TGFBR3: variants seen among roughly 807,000 people sequenced by gnomAD.
TGFBR3 encodes the protein transforming growth factor beta receptor type 3.
Under a neutral mutation model 87.9 loss-of-function variants are expected in TGFBR3, and 46 were observed. The observed-to-expected ratio is 0.52, with a 90% CI of 0.41 to 0.67. The LOEUF (loss-of-function observed/expected upper bound fraction) is 0.67. TGFBR3 is among the 30% of genes least tolerant of loss of function. The pLI is 0.00. For missense variants in TGFBR3, 866 were observed against 1,041.9 expected (o/e 0.83, Z 2.32); for synonymous variants, 381 against 391.6 (o/e 0.97, Z 0.32).
chr1:91,784,810 C>T (rs1039461183), intron 3 of TGFBR3, among the ~76,000 whole-genome samples: 2 of 152,152 alleles, frequency 1.3e-5, no homozygotes, highest in East Asian at 1.9e-4. Context: ...TTTGAGAAGC[C>T]GATCCACAGG....
At chr1:91,721,903 A>G (rs1672378874) in intron 8 of TGFBR3, 52 bp downstream of exon 8, 4 of 1,550,820 alleles carry the variant, frequency 2.6e-6, no homozygotes, top group East Asian at 2.3e-5. Context: ...CTCACTGGAA[A>G]AGCTTCATTT....
intron 16 of TGFBR3, among the ~76,000 whole-genome samples, chr1:91,689,797 T>C (rs988902158): frequency 7.3e-6 from 1 of 137,610 alleles, no homozygotes; most frequent in African/African-American, 2.7e-5. Flanking sequence ...GAAATGCTGA[T>C]GCAGACTAGT....
chr1:91,809,809 C>G (rs1675964585), intron 2 of TGFBR3, among the ~76,000 whole-genome samples: 2 of 152,138 alleles, frequency 1.3e-5, no homozygotes, highest in South Asian at 4.1e-4. Flanking sequence ...TCAGGTGCTT[C>G]TGTTAGGAGG....
intron 16 of TGFBR3, among the ~76,000 whole-genome samples, chr1:91,691,425 CT>C (rs1671261369): frequency 1.3e-5 from 2 of 152,170 alleles, no homozygotes; most frequent in African/African-American, 4.8e-5. Flanking sequence ...CAGCTCTGAA[CT>C]TCTCAACAGC....
intron 1 of TGFBR3, among the ~76,000 whole-genome samples, chr1:91,903,338 CAAAAAAAAAAAAAAA>C (rs58672104): frequency 3.4e-4 from 17 of 50,486 alleles, no homozygotes; most frequent in Admixed American, 1.1e-3. Context: ...GATTCTGCCT[CAAAAAAAAAAAAAAA>C]AAAAAAAAAA....
intron 3 of TGFBR3, among the ~76,000 whole-genome samples, chr1:91,767,207 C>CT (rs1465951673): frequency 7.5e-6 from 1 of 133,554 alleles, no homozygotes; most frequent in East Asian, 2.0e-4. Context: ...AAACAAAACC[C>CT]CACAAAATGC....
At chr1:91,804,441 T>C (rs1411713262) in intron 2 of TGFBR3, among the ~76,000 whole-genome samples, 1 of 152,194 alleles carries the variant, frequency 6.6e-6, no homozygotes, top group Non-Finnish European at 1.5e-5. Context: ...TTCCTGTCCC[T>C]TTCCCTCTGC....
intron 3 of TGFBR3, among the ~76,000 whole-genome samples, chr1:91,769,181 G>A (rs1674288933): frequency 1.3e-5 from 2 of 152,172 alleles, no homozygotes; most frequent in Admixed American, 6.5e-5. Context: ...TTTGTCGAAA[G>A]CACTTAGAAC....
chr1:91,875,795 G>GGGGGA (rs1678776198), intron 1 of TGFBR3, among the ~76,000 whole-genome samples: 1 of 48,552 alleles, frequency 2.1e-5, no homozygotes, highest in Non-Finnish European at 4.5e-5. Flanking sequence ...GGGGGGGGGG[G>GGGGGA]GTGGGAGTGT....
At chr1:91,689,245 TC>T (rs1671192573) in intron 16 of TGFBR3, among the ~76,000 whole-genome samples, 3 of 152,310 alleles carry the variant, frequency 2.0e-5, no homozygotes, top group South Asian at 4.1e-4. Flanking sequence ...CAGTGAGACT[TC>T]CCTTGTCAGT....
intron 7 of TGFBR3, among the ~76,000 whole-genome samples, chr1:91,727,070 A>C (rs1429885964): frequency 6.6e-6 from 1 of 152,222 alleles, no homozygotes; most frequent in Non-Finnish European, 1.5e-5. Flanking sequence ...GCTGGAGTAG[A>C]CTTGTCCAGC....
chr1:91,698,879 A>C (rs1421141869), intron 14 of TGFBR3, among the ~76,000 whole-genome samples: 1 of 152,100 alleles, frequency 6.6e-6, no homozygotes, highest in East Asian at 1.9e-4. Flanking sequence ...TAGTGCTATT[A>C]TCCTATAGTT....
chr1:91,893,589 A>G (rs1679490641), intron 2 of TGFBR3, among the ~76,000 whole-genome samples: 1 of 152,130 alleles, frequency 6.6e-6, no homozygotes, highest in Non-Finnish European at 1.5e-5. Flanking sequence ...CCCAACTTGT[A>G]ACACATTCTT....
chr1:91,701,482 T>C (rs576633675), intron 14 of TGFBR3, among the ~76,000 whole-genome samples: 39 of 152,320 alleles, frequency 2.6e-4, no homozygotes, highest in Non-Finnish European at 3.8e-4. Flanking sequence ...ATCTTAGCTA[T>C]TGCTGTAAAG....
intron 3 of TGFBR3, among the ~76,000 whole-genome samples, chr1:91,793,411 C>T (rs1028954680): frequency 6.6e-6 from 1 of 152,174 alleles, no homozygotes; most frequent in Non-Finnish European, 1.5e-5. Flanking sequence ...CTACTCCAGT[C>T]TTCAGTCATA....
intron 2 of TGFBR3, among the ~76,000 whole-genome samples, chr1:91,852,094 C>A (rs1452741966): frequency 6.6e-6 from 1 of 152,108 alleles, no homozygotes; most frequent in African/African-American, 2.4e-5. Flanking sequence ...ACAAAAAATA[C>A]AAAACTTAGC....
At position 91,758,463 on chromosome 1, in the gene TGFBR3, A is replaced by T; in HGVS notation, c.384+150T>A. ...GAATGCTTATCTATGTCATCATCCA[A>T]ATATCACTAAGTGCATCCTCCAAAT... On this transcript the variant is annotated intron_variant, in intron 4 of 16. Coordinates refer to ENST00000212355, the MANE Select transcript of TGFBR3 (RefSeq NM_003243.5). 3.1e-6 allele frequency: 3 copies of T among 956,804 alleles called. No individual in the cohort carries two copies. In the East Asian group the frequency reaches 7.4e-5, roughly 24 times the overall value. The allele number at this position is 956,804 out of a possible 1,614,324, so 59.3% of individuals were successfully genotyped here. A position where few individuals can be genotyped will look rare whatever the true frequency, so the allele number is the denominator to read the frequency against.
chr1:91,786,165 A>C (rs983361455), intron 3 of TGFBR3: 1 of 455,696 alleles, frequency 2.2e-6, no homozygotes, highest in African/African-American at 2.0e-5. Flanking sequence ...AAAATGAGTA[A>C]GAATCTGGCA....
chr1:91,785,365 T>TA (rs1363033009), intron 3 of TGFBR3, among the ~76,000 whole-genome samples: 3 of 152,344 alleles, frequency 2.0e-5, no homozygotes, highest in Admixed American at 2.0e-4. Context: ...TGTTAATAGA[T>TA]ACAAGGTTTC....
Sources: allele counts gnomAD v4.1 joint callset (sites outside exome capture counted in the v4.1 genomes callset), GRCh38; gene constraint gnomAD v4.1.1; transcripts MANE v1.5; gene names NCBI Gene and HGNC (gene_info 2026-07-23, HGNC 2026-07-21).